PRRC2C: variants seen among roughly 807,000 people sequenced by gnomAD.
PRRC2C encodes protein PRRC2C.
A neutral mutation model predicts 317.2 loss-of-function variants in PRRC2C; 72 were observed. The observed-to-expected ratio is 0.23, with a 90% CI of 0.19 to 0.28. The LOEUF (loss-of-function observed/expected upper bound fraction) is 0.28, where lower values mean the gene tolerates loss of function less well. PRRC2C is among the 10% of genes least tolerant of loss of function. The probability of loss-of-function intolerance (pLI) is 1.00; values close to 1 mark genes in which losing one functional copy is unlikely to be tolerated. For synonymous variants in PRRC2C, 1,296 were observed against 1,205.9 expected (o/e 1.07, Z -1.55); for missense variants, 3,074 against 3,459.7 (o/e 0.89, Z 2.80).
intron 14 of PRRC2C, 127 bp from the exon 15 acceptor site, chr1:171,537,136 A>G: frequency 1.4e-6 from 1 of 703,652 alleles, no homozygotes; most frequent in East Asian, 2.8e-5. Context: ...TTTACTCAGG[A>G]AAAAAATGCT....
intron 18 of PRRC2C, among the ~76,000 whole-genome samples, chr1:171,551,892 G>C (rs1680316657): frequency 6.6e-6 from 1 of 152,184 alleles, no homozygotes; most frequent in African/African-American, 2.4e-5. Context: ...AAGTCAGGTA[G>C]CATGATGCCT....
chr1:171,579,745 C>A, intron 27 of PRRC2C, 83 bp from the exon 28 acceptor site: 1 of 1,418,696 alleles, frequency 7.0e-7, no homozygotes, highest in Non-Finnish European at 9.4e-7. Context: ...CTTTTCATGT[C>A]TCAAATTTTT....
Position 171,509,357 on chromosome 1 carries a change from T to C in PRRC2C, c.-57-2675T>C, listed in dbSNP as rs377149692. ...GTGGGGATATATTCCTCAGGAGTAC[T>C]GAGCTGAAGGTAATCAGTTAGTAGT... On this transcript the variant is annotated intron_variant, in intron 1 of 34. Transcript: ENST00000647382. Among the ~76,000 whole-genome samples, 44 of 152,312 alleles carry C rather than the reference T, an allele frequency of 2.9e-4. No homozygotes were observed. The South Asian group carries it at 2.9e-3, about 10-fold the overall frequency.
At chr1:171,563,893 C>T (rs1012941895) in intron 20 of PRRC2C, among the ~76,000 whole-genome samples, 2 of 152,076 alleles carry the variant, frequency 1.3e-5, no homozygotes, top group Admixed American at 6.5e-5. Context: ...GTTTCCCAAC[C>T]ACAAGATTTT....
chr1:171,501,350 C>A (rs751683452), intron 1 of PRRC2C, among the ~76,000 whole-genome samples: 6 of 151,998 alleles, frequency 3.9e-5, no homozygotes, highest in African/African-American at 7.2e-5. Context: ...AGGCTGGTCT[C>A]AAACTCCTGA....
intron 28 of PRRC2C, among the ~76,000 whole-genome samples, chr1:171,581,411 C>A (rs893325877): frequency 3.3e-5 from 5 of 152,128 alleles, no homozygotes; most frequent in African/African-American, 1.2e-4. Flanking sequence ...GTAATGTTTT[C>A]CACAGGCCGT....
chr1:171,560,669 A>T (rs1050009216), intron 19 of PRRC2C, among the ~76,000 whole-genome samples: 19 of 152,338 alleles, frequency 1.2e-4, no homozygotes, highest in African/African-American at 2.6e-4. Context: ...TAGTTTTTTT[A>T]AAATTAAAAA....
In PRRC2C at chr1:171,517,752, G is replaced by C. The variant is rs779624538; in HGVS notation, c.688G>C (p.Ala230Pro). The change falls in exon 6 of 35, where the codon GCT becomes CCT. Residue 230 changes from alanine (A) to proline (P), a missense_variant. This residue lies in a region of PRRC2C where 237 missense variants were observed against 199.5 expected (regional missense o/e 1.19). Coordinates refer to ENST00000647382, the MANE Select transcript of PRRC2C (RefSeq NM_001387844.1). ...GAGGATAGCTTGTGGTCCTCCACAG[G>C]CTAAACTGAATGGACAGCAGGCTGC... ...EKRIACGPPQ[A>P]KLNGQQAALA... 2 of 1,613,676 alleles carry C rather than the reference G, an allele frequency of 1.2e-6. No individual in the cohort carries two copies. Among genetic ancestry groups the C allele is most frequent in the African/African-American group, 2.7e-5 (2 of 74,858 alleles).
intron 11 of PRRC2C, among the ~76,000 whole-genome samples, chr1:171,530,594 G>A (rs929491419): frequency 2.6e-5 from 4 of 151,454 alleles, no homozygotes; most frequent in East Asian, 3.9e-4. Flanking sequence ...TCAATAATAC[G>A]TAGTTAAACA....
At chr1:171,491,445 C>T (rs1483267558) in intron 1 of PRRC2C, among the ~76,000 whole-genome samples, 1 of 152,188 alleles carries the variant, frequency 6.6e-6, no homozygotes, top group Non-Finnish European at 1.5e-5. Context: ...CTCTCCAAGG[C>T]ATCAGCTCCT....
At chr1:171,556,866 A>G (rs1009979107) in intron 18 of PRRC2C, among the ~76,000 whole-genome samples, 3 of 152,208 alleles carry the variant, frequency 2.0e-5, no homozygotes, top group Non-Finnish European at 2.9e-5. Context: ...CATCTACCCT[A>G]TATCATAACG....
intron 32 of PRRC2C, 127 bp downstream of exon 32, chr1:171,587,878 A>G (rs544643013): frequency 3.3e-6 from 2 of 603,808 alleles, no homozygotes; most frequent in South Asian, 2.5e-5. Flanking sequence ...ATTCTTTTTG[A>G]TAGTTTTGTC....
chr1:171,524,590 G>T (rs1346976696), intron 9 of PRRC2C, among the ~76,000 whole-genome samples: 1 of 152,092 alleles, frequency 6.6e-6, no homozygotes, highest in African/African-American at 2.4e-5. Context: ...CTTTTGCCAG[G>T]ATATATGCCT....
chr1:171,489,608 A>G (rs1571520512), intron 1 of PRRC2C, among the ~76,000 whole-genome samples: 1 of 152,228 alleles, frequency 6.6e-6, no homozygotes, highest in East Asian at 1.9e-4. Context: ...TTTCTTGAGC[A>G]CTTACTATGC....
In PRRC2C at chr1:171,485,621, C is replaced by T. The variant is rs558968398; in HGVS notation, c.-172C>T. 64 of 152,802 alleles carry T rather than the reference C, an allele frequency of 4.2e-4. No homozygotes were observed. Among genetic ancestry groups the T allele is most frequent in the Middle Eastern group, 3.4e-3 (1 of 294 alleles). 9.5% of individuals were successfully genotyped at this position (152,802 alleles called of 1,614,324 possible). A position where few individuals can be genotyped will look rare whatever the true frequency, so the allele number is the denominator to read the frequency against. ...TTGTCCATCCGCAGCTTCGGCTTTT[C>T]CAGTCTGGTGGCCCTTCCGGCCACC... On this transcript the variant is annotated 5_prime_UTR_variant, in exon 1 of 35. Coordinates refer to ENST00000647382, the MANE Select transcript of PRRC2C (RefSeq NM_001387844.1).
In PRRC2C at chr1:171,541,650, G is replaced by T. The variant is rs1677978126; in HGVS notation, c.4184G>T (p.Arg1395Ile). ...CCAGAAGATGGAGAGCCGCCAAGAA[G>T]ACATGAGCAGTTTATTCCTATAGCA... ...PKPEDGEPPR[R>I]HEQFIPIAAD... Residue 1395 changes from arginine to isoleucine, a missense_variant, in exon 16 of 35, where the codon AGA (arginine) becomes ATA (isoleucine). This residue lies in a region of PRRC2C where 1,320 missense variants were observed against 1,395.7 expected (regional missense o/e 0.95). Transcript: ENST00000647382. The surrounding 1 kb of genome is among the most constrained non-coding windows in gnomAD (Gnocchi z 4.1). 1.2e-6 allele frequency: 2 copies of T among 1,613,792 alleles called. No individual in the cohort carries two copies. The highest frequency in any genetic ancestry group is 1.7e-6 in the Non-Finnish European group (2 of 1,179,874).
chr1:171,502,969 T>C (rs533068026), intron 1 of PRRC2C, among the ~76,000 whole-genome samples: 25 of 152,266 alleles, frequency 1.6e-4, no homozygotes, highest in African/African-American at 5.1e-4. Flanking sequence ...ATGATTCGCC[T>C]GCCTTGGCCT....
intron 18 of PRRC2C, 84 bp from the exon 19 acceptor site, chr1:171,557,156 A>C (rs1017119879): frequency 1.0e-5 from 15 of 1,456,640 alleles, no homozygotes; most frequent in African/African-American, 4.3e-5. Context: ...GAGCCAAGTT[A>C]GTGGGAGTTG....
At chr1:171,528,691 G>C (rs995531442) in intron 11 of PRRC2C, among the ~76,000 whole-genome samples, 2 of 152,030 alleles carry the variant, frequency 1.3e-5, no homozygotes, top group African/African-American at 2.4e-5. Context: ...CTCTACCTTT[G>C]AAACTATTAT....
Sources: allele counts gnomAD v4.1 joint callset (sites outside exome capture counted in the v4.1 genomes callset), GRCh38; gene constraint gnomAD v4.1.1; regional missense constraint gnomAD v4.1.1; non-coding constraint Gnocchi (gnomAD v3.1); transcripts MANE v1.5; gene names NCBI Gene and HGNC (gene_info 2026-07-23, HGNC 2026-07-21).